The following RC3H2 variants were observed in gnomAD, a reference collection of about 807,000 sequenced individuals.
RC3H2 encodes roquin-2.
A neutral mutation model predicts 133.3 loss-of-function variants in RC3H2; 31 were observed. The observed-to-expected ratio is 0.23, with a 90% CI of 0.17 to 0.31. The LOEUF (loss-of-function observed/expected upper bound fraction) is 0.31. Ranked by LOEUF, RC3H2 falls within the 10% of genes least tolerant of loss-of-function variation. The pLI, the probability that RC3H2 is intolerant of heterozygous loss-of-function variation, is 1.00. For missense variants in RC3H2, 1,175 were observed against 1,437.2 expected (o/e 0.82, Z 2.95); for synonymous variants, 517 against 502.2 (o/e 1.03, Z -0.40).
intron 12 of RC3H2, 95 bp from the exon 13 acceptor site, chr9:122,858,188 G>C: frequency 1.7e-6 from 2 of 1,182,564 alleles, no homozygotes; most frequent in South Asian, 1.5e-5. Flanking sequence ...TGATATTGTT[G>C]GGATAAAAAA....
rs1830266462 is a variant in RC3H2 at position 122,856,792 on chromosome 9, G to A, written c.2455-914C>T. Among the ~76,000 whole-genome samples, 3 of 152,104 alleles carry A rather than the reference G, an allele frequency of 2.0e-5. No homozygotes were observed. The South Asian group carries it at 6.2e-4, about 31-fold the overall frequency. The stretch of plus-strand genomic sequence containing the variant: ...GATAAAAAAACTCAAGGGCAAAAAA[G>A]TTAAAAAACTTTTCTCAAGTCGAAC... On this transcript the variant is annotated intron_variant, in intron 13 of 20. Transcript: ENST00000357244.
chr9:122,876,841 G>A (rs1831362362), intron 9 of RC3H2, among the ~76,000 whole-genome samples: 2 of 151,616 alleles, frequency 1.3e-5, no homozygotes, highest in South Asian at 4.2e-4. Context: ...AGAATACACA[G>A]GGAAAAAGAA....
At chr9:122,865,728 G>A (rs1353845692) in intron 9 of RC3H2, 71 bp from the exon 10 acceptor site, 3 of 1,323,036 alleles carry the variant, frequency 2.3e-6, no homozygotes, top group African/African-American at 1.5e-5. Flanking sequence ...AATGGCAATG[G>A]GCAATGGGAA....
At chr9:122,875,357 C>T (rs1046693791) in intron 9 of RC3H2, 22 of 1,549,732 alleles carry the variant, frequency 1.4e-5, no homozygotes, top group South Asian at 4.8e-5. Context: ...ATATAGTCCA[C>T]GGGGGTTACA....
chr9:122,853,057 G>A (rs1209060150), intron 18 of RC3H2, among the ~76,000 whole-genome samples: 1 of 152,096 alleles, frequency 6.6e-6, no homozygotes, highest in African/African-American at 2.4e-5. Flanking sequence ...TTCTGCCTTG[G>A]GATCCTGTTG....
chr9:122,860,998 C>T (rs1830434750), intron 10 of RC3H2, among the ~76,000 whole-genome samples: 1 of 152,098 alleles, frequency 6.6e-6, no homozygotes, highest in African/African-American at 2.4e-5. Context: ...AAATATTTGT[C>T]AGACAAATAA....
At chr9:122,850,332 G>A (rs1829972816) in intron 20 of RC3H2, among the ~76,000 whole-genome samples, 1 of 151,786 alleles carries the variant, frequency 6.6e-6, no homozygotes, top group Non-Finnish European at 1.5e-5. Context: ...TTAGTTTAAG[G>A]CCAAACTACC....
At position 122,845,373 on chromosome 9, in the gene RC3H2, T is replaced by C. The variant is rs1206331253; in HGVS notation, c.*4254A>G. 3 of 152,184 alleles carry C rather than the reference T, an allele frequency of 2.0e-5. No homozygotes were observed. Among genetic ancestry groups the C allele is most frequent in the Non-Finnish European group, 4.4e-5 (3 of 68,026 alleles). The allele number at this position is 152,184 out of a possible 1,614,324, so 9.4% of individuals were successfully genotyped here. A position where few individuals can be genotyped will look rare whatever the true frequency, so the allele number is the denominator to read the frequency against. Reference sequence around the variant, plus strand: ...TGTTGTATCACAACTACAGTATAATTGTTTGCCCAGCTAAGAGAATGCATG... The same window carrying C: ...TGTTGTATCACAACTACAGTATAATCGTTTGCCCAGCTAAGAGAATGCATG... On this transcript the variant is annotated 3_prime_UTR_variant, in exon 21 of 21. Transcript: ENST00000357244.
chr9:122,868,734 T>G (rs1830876408), intron 9 of RC3H2, among the ~76,000 whole-genome samples: 1 of 151,056 alleles, frequency 6.6e-6, no homozygotes, highest in Admixed American at 6.6e-5. Context: ...CCAAGAATGA[T>G]CAATAAAAAA....
At position 122,865,512 on chromosome 9, in the gene RC3H2, G is replaced by T. The variant is rs1033444443; in HGVS notation, c.1471C>A (p.Pro491Thr). The T allele has an allele frequency of 6.2e-7, 1 of 1,614,030 alleles. No individual in the cohort carries two copies. The highest frequency in any genetic ancestry group is 1.3e-5 in the African/African-American group (1 of 74,914). ...GCATTTGAAATTCCGTTTGTACTTG[G>T]AACAATTTTCCCTGTTGTTTCAGTA... ...GSTETTGKIV[P>T]STNGISNAEN... The change falls in exon 10 of 21, where the codon CCA (proline) becomes ACA (threonine). Residue 491 changes from proline to threonine, a missense_variant. Physicochemically the swap from Pro to Thr is conservative, Grantham distance 38. Coordinates refer to ENST00000357244, the MANE Select transcript of RC3H2 (RefSeq NM_001100588.3).
intron 18 of RC3H2, among the ~76,000 whole-genome samples, chr9:122,851,734 A>G (rs1830029384): frequency 1.3e-5 from 2 of 152,204 alleles, no homozygotes; most frequent in Admixed American, 6.5e-5. Flanking sequence ...CCTAACCACG[A>G]GTGATCTGCC....
At chr9:122,899,107 T>G (rs1274835954) in intron 1 of RC3H2, among the ~76,000 whole-genome samples, 2 of 138,814 alleles carry the variant, frequency 1.4e-5, no homozygotes, top group East Asian at 2.1e-4. Flanking sequence ...TTTTTTTTTT[T>G]TTTTTTTTTT....
intron 18 of RC3H2, among the ~76,000 whole-genome samples, chr9:122,852,497 C>G (rs1434281593): frequency 4.2e-5 from 6 of 142,852 alleles, no homozygotes; most frequent in Admixed American, 2.1e-4. Flanking sequence ...TGAGGAGCCC[C>G]TCTGCCTAGC....
chr9:122,895,160 GT>G (rs376723673), intron 2 of RC3H2, among the ~76,000 whole-genome samples: 1,866 of 139,872 alleles, frequency 0.013, 12 homozygotes, highest in East Asian at 0.045. Flanking sequence ...TGGTAGCTAG[GT>G]TTTTTTTTTT....
In RC3H2 at chr9:122,849,955, G is replaced by T. The variant is rs943612251; in HGVS notation, c.3381-133C>A. The T allele has an allele frequency of 2.4e-5, 12 of 499,886 alleles. No homozygotes were observed. The East Asian group carries it at 4.2e-4, about 17-fold the overall frequency. 31.0% of individuals were successfully genotyped at this position (499,886 alleles called of 1,614,324 possible). On this transcript the variant is annotated intron_variant, in intron 20 of 20. Transcript: ENST00000357244. ...CAAAGACATGTCTTTATCACTAGAA[G>T]TATCAGAAGTAACTAGAAAAGTCCT...
intron 9 of RC3H2, among the ~76,000 whole-genome samples, chr9:122,870,388 A>G (rs1185520195): frequency 8.8e-6 from 1 of 113,602 alleles, no homozygotes; most frequent in African/African-American, 3.8e-5. Context: ...AAACAAACAA[A>G]CAAACAAACA....
intron 5 of RC3H2, 144 bp downstream of exon 5, chr9:122,883,060 G>T: frequency 1.5e-6 from 1 of 683,674 alleles, no homozygotes; most frequent in Non-Finnish European, 2.4e-6. Flanking sequence ...TGGTATCACA[G>T]ATGCAATCAA....
intron 8 of RC3H2, among the ~76,000 whole-genome samples, chr9:122,878,560 G>A (rs1308851453): frequency 2.6e-5 from 4 of 151,730 alleles, no homozygotes; most frequent in Non-Finnish European, 4.4e-5. Flanking sequence ...ATGAGCCACC[G>A]CGCCCAGCCC....
rs1410975058 is a variant in RC3H2 at position 122,846,840 on chromosome 9, A to G, written c.*2787T>C. Reference sequence around the variant, plus strand: ...CTGATTTGTAACATTTTCCTCGATGATATCAGTAGGTACCATTCTGAAGAA... The same window carrying G: ...CTGATTTGTAACATTTTCCTCGATGGTATCAGTAGGTACCATTCTGAAGAA... On this transcript the variant is annotated 3_prime_UTR_variant, in exon 21 of 21. Coordinates refer to ENST00000357244, the MANE Select transcript of RC3H2 (RefSeq NM_001100588.3). 1 of 152,170 alleles carries G rather than the reference A, an allele frequency of 6.6e-6. No homozygotes were observed. Among genetic ancestry groups the G allele is most frequent in the Non-Finnish European group, 1.5e-5 (1 of 67,998 alleles). The allele number at this position is 152,170 out of a possible 1,614,324, so 9.4% of individuals were successfully genotyped here. A position where few individuals can be genotyped will look rare whatever the true frequency, so the allele number is the denominator to read the frequency against.
Sources: gnomAD v4.1 joint callset for allele counts (sites outside exome capture counted in the v4.1 genomes callset) on GRCh38, gnomAD v4.1.1 for gene constraint, MANE v1.5 for transcripts, NCBI Gene and HGNC (gene_info 2026-07-23, HGNC 2026-07-21) for gene names.